AKAP6: variants seen among roughly 807,000 people sequenced by gnomAD.
AKAP6 encodes A-kinase anchoring protein 6, also known as A-kinase anchor protein 6.
AKAP6 carries 58 observed loss-of-function variants against 188.5 expected under a neutral mutation model. That is an observed-to-expected ratio of 0.31 (90% CI 0.25 to 0.38). The LOEUF is 0.38. Among genes scored for constraint, AKAP6 ranks in the 10% least tolerant of loss-of-function variants. AKAP6 has a pLI of 1.00. For synonymous variants in AKAP6, 989 were observed against 998.6 expected (o/e 0.99, Z 0.18); for missense variants, 2,710 against 2,740.0 (o/e 0.99, Z 0.24).
chr14:32,426,543 T>G (rs1890037085), intron 1 of AKAP6, among the ~76,000 whole-genome samples: 1 of 152,142 alleles, frequency 6.6e-6, no homozygotes, highest in Admixed American at 6.6e-5. Context: ...ATATTAAAGT[T>G]TTACAAATCC....
chr14:32,462,975 A>G lies in AKAP6; in HGVS notation c.324+29158A>G, dbSNP rs546970302. 3.4e-3 allele frequency among the ~76,000 whole-genome samples: 295 copies of G among 87,458 alleles called. 4 individuals are homozygous for G. The highest frequency in any genetic ancestry group is 0.028 in the African/African-American group (263 of 9,478). 57.4% of individuals were successfully genotyped at this position (87,458 alleles called of 152,430 possible). A position where few individuals can be genotyped will look rare whatever the true frequency, so the allele number is the denominator to read the frequency against. On this transcript the variant is annotated intron_variant, in intron 2 of 13. Transcript: ENST00000280979. ...TGATAAAACAGTCTTTAAGCCAACAAAGATTAAAAAAAAAAAAAAAGACAA... is the reference window on the plus strand; with the variant it reads ...TGATAAAACAGTCTTTAAGCCAACAGAGATTAAAAAAAAAAAAAAAGACAA...
chr14:32,761,843 C>T (rs1465682328), intron 11 of AKAP6, among the ~76,000 whole-genome samples: 1 of 151,926 alleles, frequency 6.6e-6, no homozygotes, highest in Admixed American at 6.6e-5. Flanking sequence ...CAGTGAATAC[C>T]CAAGATCTAT....
Position 32,828,529 on chromosome 14 carries a change from TCACA to T in AKAP6, c.*43-1279_*43-1276del, listed in dbSNP as rs55957852. Reference sequence around the variant, plus strand: ...CTATCTCTCTCTCTCTCTCTCTCTCTCACACACACACACACACACACACACACAC... The same window carrying T: ...CTATCTCTCTCTCTCTCTCTCTCTCTCACACACACACACACACACACACAC... On this transcript the variant is annotated intron_variant, in intron 13 of 13. Transcript: ENST00000280979. 8.4e-3 allele frequency among the ~76,000 whole-genome samples: 636 copies of T among 75,976 alleles called. 5 individuals carry two copies. The highest frequency in any genetic ancestry group is 0.027 in the African/African-American group (554 of 20,782). 49.8% of individuals were successfully genotyped at this position (75,976 alleles called of 152,430 possible). A position where few individuals can be genotyped will look rare whatever the true frequency, so the allele number is the denominator to read the frequency against.
intron 5 of AKAP6, among the ~76,000 whole-genome samples, chr14:32,586,194 TA>T (rs1265692706): frequency 6.6e-6 from 1 of 152,212 alleles, no homozygotes; most frequent in African/African-American, 2.4e-5. Flanking sequence ...GAATTGTGTT[TA>T]AATTAAAAAA....
intron 1 of AKAP6, among the ~76,000 whole-genome samples, chr14:32,378,908 T>C (rs1044046869): frequency 2.3e-5 from 3 of 131,986 alleles, no homozygotes; most frequent in African/African-American, 8.4e-5. Context: ...TTCTTTTCTG[T>C]CTTTCTTCCT....
intron 11 of AKAP6, among the ~76,000 whole-genome samples, chr14:32,769,465 G>A (rs1416838475): frequency 6.6e-6 from 1 of 151,922 alleles, no homozygotes; most frequent in Admixed American, 6.6e-5. Context: ...TCTTTGTTGT[G>A]CTTGCCACAT....
chr14:32,697,633 G>A (rs1032466060), intron 9 of AKAP6, among the ~76,000 whole-genome samples: 39 of 152,108 alleles, frequency 2.6e-4, no homozygotes, highest in Admixed American at 1.3e-3. Context: ...CCATTATCTC[G>A]GACTTTATTG....
intron 1 of AKAP6, among the ~76,000 whole-genome samples, chr14:32,425,455 T>C (rs1358228232): frequency 6.6e-6 from 1 of 151,930 alleles, no homozygotes; most frequent in Non-Finnish European, 1.5e-5. Context: ...ACAGGTGTGG[T>C]GGTGTGTGCC....
intron 4 of AKAP6, among the ~76,000 whole-genome samples, chr14:32,547,406 A>G (rs141564926): frequency 5.6e-4 from 86 of 152,348 alleles, no homozygotes; most frequent in African/African-American, 2.0e-3. Flanking sequence ...TTCTGACTCC[A>G]GAATACATTC....
intron 9 of AKAP6, among the ~76,000 whole-genome samples, chr14:32,724,181 T>G (rs1407862706): frequency 6.6e-6 from 1 of 152,228 alleles, no homozygotes; most frequent in Non-Finnish European, 1.5e-5. Context: ...TATTGATCAT[T>G]GACGTTAGTA....
chr14:32,447,563 A>G (rs528707430), intron 2 of AKAP6, among the ~76,000 whole-genome samples: 6 of 152,240 alleles, frequency 3.9e-5, no homozygotes, highest in African/African-American at 1.2e-4. Context: ...TTTTTAAACA[A>G]TAAGAATGAG....
chr14:32,571,497 T>C (rs1272852025), intron 4 of AKAP6, among the ~76,000 whole-genome samples: 1 of 152,142 alleles, frequency 6.6e-6, no homozygotes, highest in Non-Finnish European at 1.5e-5. Flanking sequence ...GCCGCTGCAC[T>C]CTAGCCTTAT....
chr14:32,807,924 T>G (rs2034131031), intron 12 of AKAP6, among the ~76,000 whole-genome samples: 1 of 152,100 alleles, frequency 6.6e-6, no homozygotes, highest in Non-Finnish European at 1.5e-5. Flanking sequence ...TGAGAAAGAG[T>G]GGTCATAATA....
At position 32,768,164 on chromosome 14, in the gene AKAP6, A is replaced by G. The variant is rs148032019; in HGVS notation, c.3373-5514A>G. Among the ~76,000 whole-genome samples, 499 of 152,290 alleles carry G rather than the reference A, an allele frequency of 3.3e-3. 9 individuals carry two copies. Among genetic ancestry groups the G allele is most frequent in the East Asian group, 0.01 (53 of 5,186 alleles). On this transcript the variant is annotated intron_variant, in intron 11 of 13. Transcript: ENST00000280979. ...CAATGATCCCAAAGCAGCCAGACAA[A>G]TGCATCTTCTAAAGAAGCATAGAGG...
In AKAP6 at chr14:32,541,168, G is replaced by A. The variant is rs368340348; in HGVS notation, c.577-4062G>A. On this transcript the variant is annotated intron_variant, in intron 3 of 13. Coordinates refer to ENST00000280979, the MANE Select transcript of AKAP6 (RefSeq NM_004274.5). ...TACTCACTAGTTGAGATGGTTGGCC[G>A]GACTGATATGGTGGGACAGGATGGG... Among the ~76,000 whole-genome samples, 134 of 152,186 alleles carry A rather than the reference G, an allele frequency of 8.8e-4. 1 individual carries two copies. Among genetic ancestry groups the A allele is most frequent in the South Asian group, 2.1e-3 (10 of 4,816 alleles).
At chr14:32,470,521 G>GCACA (rs1397202421) in intron 2 of AKAP6, among the ~76,000 whole-genome samples, 1 of 152,178 alleles carries the variant, frequency 6.6e-6, no homozygotes, top group Non-Finnish European at 1.5e-5. Context: ...AACAAAGAAG[G>GCACA]CACAGTCCTT....
intron 5 of AKAP6, among the ~76,000 whole-genome samples, chr14:32,597,007 A>G (rs1406040954): frequency 6.6e-6 from 1 of 152,178 alleles, no homozygotes; most frequent in African/African-American, 2.4e-5. Flanking sequence ...ATATTGTACC[A>G]TTTGGGTAAT....
intron 12 of AKAP6, among the ~76,000 whole-genome samples, chr14:32,810,720 T>C (rs2034202688): frequency 1.3e-5 from 2 of 152,204 alleles, no homozygotes; most frequent in African/African-American, 4.8e-5. Flanking sequence ...CTGGCAATTC[T>C]GAGGCTTTTT....
rs77144480 is a variant in AKAP6 at position 32,503,741 on chromosome 14, G to A, written c.325-31813G>A. ...ACTTATTCTTCCCAATTATCTGTCT[G>A]CATTCTTGTCTCAATCACATAGTTT... On this transcript the variant is annotated intron_variant, in intron 2 of 13. Transcript: ENST00000280979. Among the ~76,000 whole-genome samples the A allele has an allele frequency of 3.6e-3, 540 of 151,876 alleles. 5 individuals carry two copies. Among genetic ancestry groups the A allele is most frequent in the African/African-American group, 0.012 (517 of 41,440 alleles).
Sources: allele counts gnomAD v4.1 joint callset (sites outside exome capture counted in the v4.1 genomes callset), GRCh38; gene constraint gnomAD v4.1.1; transcripts MANE v1.5; gene names NCBI Gene and HGNC (gene_info 2026-07-23, HGNC 2026-07-21).